The following PAPPA variants were observed in gnomAD, a reference collection of about 807,000 sequenced individuals.
PAPPA encodes the protein pappalysin 1, also known as pappalysin-1.
Under a neutral mutation model 164.0 loss-of-function variants are expected in PAPPA, and 60 were observed. That is an observed-to-expected ratio of 0.37 (90% CI 0.30 to 0.45). PAPPA has a LOEUF of 0.45. Ranked by LOEUF, PAPPA falls within the 20% of genes least tolerant of loss-of-function variation. The probability of loss-of-function intolerance (pLI) is 1.00; values close to 1 mark genes in which losing one functional copy is unlikely to be tolerated. For missense variants in PAPPA, 1,782 were observed against 2,087.3 expected, an observed-to-expected ratio of 0.85 and a Z score of 2.85; for synonymous variants, 875 against 814.1, an observed-to-expected ratio of 1.07 and a Z score of -1.27.
intron 21 of PAPPA, among the ~76,000 whole-genome samples, chr9:116,382,925 A>G (rs1846751941): frequency 6.6e-6 from 1 of 152,124 alleles, no homozygotes; most frequent in Non-Finnish European, 1.5e-5. Context: ...TCCCAGTGAG[A>G]ACACACATTT....
At chr9:116,191,762 G>A (rs1305449460) in intron 2 of PAPPA, among the ~76,000 whole-genome samples, 2 of 152,152 alleles carry the variant, frequency 1.3e-5, no homozygotes, top group Admixed American at 6.5e-5. Context: ...GACTCCATCA[G>A]TGAGGGTCCT....
intron 10 of PAPPA, among the ~76,000 whole-genome samples, chr9:116,326,089 A>C (rs781570276): frequency 1.3e-5 from 2 of 152,108 alleles, no homozygotes; most frequent in Non-Finnish European, 2.9e-5. Context: ...AGGACTGTCC[A>C]ATGGTACATA....
chr9:116,191,010 A>G (rs1844035625), intron 2 of PAPPA, among the ~76,000 whole-genome samples: 1 of 151,996 alleles, frequency 6.6e-6, no homozygotes, highest in Non-Finnish European at 1.5e-5. Flanking sequence ...GAATTTAAAC[A>G]AAAAAGGGAG....
intron 10 of PAPPA, among the ~76,000 whole-genome samples, chr9:116,324,751 G>C (rs1306504562): frequency 1.3e-5 from 2 of 152,092 alleles, no homozygotes; most frequent in East Asian, 3.9e-4. Flanking sequence ...GCGGTGGTGG[G>C]CGTGGGGGTT....
chr9:116,360,231 G>A (rs1340687473), intron 17 of PAPPA, among the ~76,000 whole-genome samples: 4 of 152,204 alleles, frequency 2.6e-5, no homozygotes, highest in Non-Finnish European at 5.9e-5. Context: ...GAGGGCCCAG[G>A]AGAATCATGG....
intron 9 of PAPPA, among the ~76,000 whole-genome samples, chr9:116,289,227 T>A (rs1845393531): frequency 1.7e-5 from 1 of 57,508 alleles, no homozygotes; most frequent in Non-Finnish European, 3.5e-5. Context: ...GTAGCATATA[T>A]ATATAGCATA....
At chr9:116,350,855 T>C (rs1846272372) in intron 15 of PAPPA, among the ~76,000 whole-genome samples, 1 of 152,240 alleles carries the variant, frequency 6.6e-6, no homozygotes, top group Non-Finnish European at 1.5e-5. Context: ...TTCTGCACAC[T>C]TTACTCTTTT....
rs1166201186 is a variant in PAPPA, at chr9:116,344,653, G to A, written c.3722G>A (p.Ser1241Asn). The change falls in exon 14 of 22, where the codon AGC becomes AAC. Residue 1241 changes from serine to asparagine, a missense_variant. Around this residue, in one of 2 missense-constraint regions of PAPPA, gnomAD observed 1,324 missense variants for 1,656.9 expected, o/e 0.80. Transcript: ENST00000328252. ...TACCACGGTGCCCAGTGTACTGTGA[G>A]CTGCCGGACAGGCTACGTGCTCCAG... ...DRYHGAQCTV[S>N]CRTGYVLQIR... The A allele has an allele frequency of 6.2e-7, 1 of 1,614,074 alleles. No homozygotes were observed. The highest frequency in any genetic ancestry group is 8.5e-7 in the Non-Finnish European group (1 of 1,180,040).
chr9:116,337,816 T>A (rs1235234003), intron 13 of PAPPA, among the ~76,000 whole-genome samples: 1 of 152,230 alleles, frequency 6.6e-6, no homozygotes, highest in Middle Eastern at 3.4e-3. Flanking sequence ...CAAAACCAGT[T>A]TGGGCAATGT....
chr9:116,396,130 T>A (rs1025268873), intron 21 of PAPPA, among the ~76,000 whole-genome samples: 1 of 152,174 alleles, frequency 6.6e-6, no homozygotes, highest in African/African-American at 2.4e-5. Context: ...AATACCAGAC[T>A]TGACACTTAT....
intron 10 of PAPPA, among the ~76,000 whole-genome samples, chr9:116,304,706 A>G (rs898470186): frequency 6.6e-6 from 1 of 152,188 alleles, no homozygotes; most frequent in African/African-American, 2.4e-5. Flanking sequence ...ATTACTGGTG[A>G]TTATCTCTTC....
chr9:116,232,163 T>A (rs774691010), intron 6 of PAPPA, among the ~76,000 whole-genome samples: 2 of 152,284 alleles, frequency 1.3e-5, no homozygotes, highest in African/African-American at 4.8e-5. Flanking sequence ...TAATGTAGTA[T>A]ACAAGCCACT....
intron 2 of PAPPA, among the ~76,000 whole-genome samples, chr9:116,191,199 A>T (rs2118638246): frequency 6.6e-6 from 1 of 152,290 alleles, no homozygotes; most frequent in Non-Finnish European, 1.5e-5. Flanking sequence ...TTGCAATTAC[A>T]GGAGGCAGCT....
At chr9:116,240,203 T>G (rs1326888682) in intron 7 of PAPPA, among the ~76,000 whole-genome samples, 1 of 152,202 alleles carries the variant, frequency 6.6e-6, no homozygotes, top group Admixed American at 6.5e-5. Context: ...ATTCACTGGG[T>G]ATCTATTAGG....
chr9:116,187,211 A>G lies in PAPPA; in HGVS notation c.473A>G (p.His158Arg), dbSNP rs1206836786. The G allele has an allele frequency of 6.2e-7, 1 of 1,614,098 alleles. No homozygotes were observed. Among genetic ancestry groups the G allele is most frequent in the Non-Finnish European group, 8.5e-7 (1 of 1,180,024 alleles). Residue 158 changes from histidine (H) to arginine (R), a missense_variant, in exon 2 of 22, where the codon CAC (histidine) becomes CGC (arginine). This residue lies in a region of PAPPA where 458 missense variants were observed against 430.3 expected (regional missense o/e 1.06). Coordinates refer to ENST00000328252, the MANE Select transcript of PAPPA (RefSeq NM_002581.5). This position sits in a 1 kb window ranked among gnomAD's most constrained non-coding sequence, Gnocchi z 4.2. The part of the protein sequence containing the change: ...SRDRGWVVGI[H>R]TISDQDNKDP... ...GACCGAGGATGGGTCGTGGGCATTCACACCATCAGTGACCAAGACAACAAA... is the reference window on the plus strand; with the variant it reads ...GACCGAGGATGGGTCGTGGGCATTCGCACCATCAGTGACCAAGACAACAAA...
At position 116,235,296 on chromosome 9, in the gene PAPPA, C is replaced by A. The variant is rs765626762; in HGVS notation, c.2391C>A (p.Thr797=). 6.2e-7 allele frequency: 1 copy of A among 1,614,124 alleles called. No homozygotes were observed. Among genetic ancestry groups the A allele is most frequent in the Non-Finnish European group, 8.5e-7 (1 of 1,180,014 alleles). ...ACCCCTTGGTCCCTGAGTCTCTGAC[C>A]ATTTGGGTGACCTTTGTCTCCACTG... ...FLYPLVPESL[T]IWVTFVSTDW... Residue 797 remains threonine (T), a synonymous_variant, in exon 7 of 22, where the codon ACC becomes ACA. Transcript: ENST00000328252.
intron 5 of PAPPA, among the ~76,000 whole-genome samples, chr9:116,220,473 T>TTTATA (rs1309090090): frequency 1.3e-5 from 2 of 148,846 alleles, no homozygotes; most frequent in African/African-American, 2.4e-5. Context: ...GGCAAAAACA[T>TTTATA]TTATATTATA....
At position 116,302,848 on chromosome 9, in the gene PAPPA, G is replaced by A. The variant is rs200371548; in HGVS notation, c.3045G>A (p.Thr1015=). The change falls in exon 10 of 22, where the codon ACG becomes ACA. Residue 1015 remains threonine, a synonymous_variant. Coordinates refer to ENST00000328252, the MANE Select transcript of PAPPA (RefSeq NM_002581.5). ...KTSIKDCGVY[T]PQGFLDQWAS... ...GCATTAAGGACTGTGGTGTCTACAC[G>A]CCCCAGGGATTCCTGGATCAGTGGG... 3.4e-5 allele frequency: 55 copies of A among 1,613,930 alleles called. No individual in the cohort carries two copies. Among genetic ancestry groups the A allele is most frequent in the Middle Eastern group, 3.3e-4 (2 of 6,062 alleles).
chr9:116,168,218 G>C (rs1843737145), intron 1 of PAPPA, among the ~76,000 whole-genome samples: 1 of 152,174 alleles, frequency 6.6e-6, no homozygotes, highest in Non-Finnish European at 1.5e-5. Context: ...ATTAGGAAAG[G>C]TAAATGTTCC....
Sources: allele counts gnomAD v4.1 joint callset (sites outside exome capture counted in the v4.1 genomes callset), GRCh38; gene constraint gnomAD v4.1.1; regional missense constraint gnomAD v4.1.1; non-coding constraint Gnocchi (gnomAD v3.1); transcripts MANE v1.5; gene names NCBI Gene and HGNC (gene_info 2026-07-23, HGNC 2026-07-21).